Variants in BCL7B observed in about 807,000 individuals in gnomAD.
BCL7B encodes the protein B-cell CLL/lymphoma 7 protein family member B.
In BCL7B, 11 loss-of-function variants were observed where a neutral mutation model predicts 26.5. The ratio of observed to expected loss-of-function variants is 0.42; its 90% CI spans 0.26 to 0.69. The LOEUF (loss-of-function observed/expected upper bound fraction) is 0.69. BCL7B is among the 30% of genes least tolerant of loss of function. The pLI is 0.28. For missense variants in BCL7B, 215 were observed against 264.4 expected, an observed-to-expected ratio of 0.81 and a Z score of 1.30; for synonymous variants, 111 against 107.9, an observed-to-expected ratio of 1.03 and a Z score of -0.18.
intron 2 of BCL7B, among the ~76,000 whole-genome samples, chr7:73,544,207 G>A (rs574765913): frequency 6.6e-6 from 1 of 152,188 alleles, no homozygotes; most frequent in Non-Finnish European, 1.5e-5. Flanking sequence ...GATCACCTGA[G>A]GTCAGGAGTT....
chr7:73,543,751 A>T, intron 2 of BCL7B, 107 bp from the exon 3 acceptor site: 5 of 795,188 alleles, frequency 6.3e-6, no homozygotes, highest in Non-Finnish European at 8.1e-6. Flanking sequence ...AGGACTGAAC[A>T]GGAAAAACGA....
chr7:73,543,870 A>T, intron 2 of BCL7B: 1 of 483,794 alleles, frequency 2.1e-6, no homozygotes, highest in South Asian at 2.2e-5. Flanking sequence ...TGTGAATCAT[A>T]AGCAACAGGC....
rs537428729 is a variant in BCL7B, at chr7:73,548,706, G to A, written c.168+3461C>T. Among the ~76,000 whole-genome samples, 477 of 151,982 alleles carry A rather than the reference G, an allele frequency of 3.1e-3. 4 individuals carry two copies. The highest frequency in any genetic ancestry group is 0.011 in the African/African-American group (461 of 41,454). On this transcript the variant is annotated intron_variant, in intron 2 of 5. Coordinates refer to ENST00000223368, the MANE Select transcript of BCL7B (RefSeq NM_001707.4). ...AACACTTTGGCAAGCCGAGGCGGGC[G>A]GATCACCTGAGATCGGGAGTTGAAG... is the stretch of plus-strand genomic sequence containing the variant.
intron 2 of BCL7B, among the ~76,000 whole-genome samples, chr7:73,545,047 T>C (rs1791903753): frequency 6.7e-6 from 1 of 148,828 alleles, no homozygotes; most frequent in African/African-American, 2.5e-5. Flanking sequence ...AGTTAGACCC[T>C]AACTCAAAAA....
chr7:73,557,254 G>A, intron 1 of BCL7B: 5 of 1,111,186 alleles, frequency 4.5e-6, no homozygotes, highest in Non-Finnish European at 5.5e-6. Context: ...CAGGCGGCGC[G>A]CGGCAGCAGC....
intron 2 of BCL7B, among the ~76,000 whole-genome samples, chr7:73,551,869 G>T (rs1792185391): frequency 6.6e-6 from 1 of 151,912 alleles, no homozygotes; most frequent in Non-Finnish European, 1.5e-5. Flanking sequence ...GCTGAGGCAG[G>T]TGGGTCACGA....
intron 2 of BCL7B, 74 bp from the exon 3 acceptor site, chr7:73,543,718 G>C: frequency 8.3e-7 from 1 of 1,206,050 alleles, no homozygotes; most frequent in Non-Finnish European, 1.2e-6. Flanking sequence ...GGTGCTATGT[G>C]ACAGACCACA....
At chr7:73,551,131 G>A (rs374782276) in intron 2 of BCL7B, among the ~76,000 whole-genome samples, 13 of 152,176 alleles carry the variant, frequency 8.5e-5, no homozygotes, top group Admixed American at 3.3e-4. Flanking sequence ...GGGACTAATC[G>A]CATAAGAGCA....
At chr7:73,542,867 G>GA (rs1418157811) in intron 3 of BCL7B, 2 of 450,260 alleles carry the variant, frequency 4.4e-6, no homozygotes, top group African/African-American at 4.0e-5. Flanking sequence ...TTGAGGCCAG[G>GA]AGTTCACAAC....
At chr7:73,540,161 A>G in intron 3 of BCL7B, 109 bp from the exon 4 acceptor site, 2 of 1,168,304 alleles carry the variant, frequency 1.7e-6, no homozygotes, top group Non-Finnish European at 2.4e-6. Flanking sequence ...CAAGGATACA[A>G]CTGAGTATAA....
chr7:73,556,424 C>G (rs1195738433), intron 1 of BCL7B, among the ~76,000 whole-genome samples: 2 of 152,176 alleles, frequency 1.3e-5, no homozygotes, highest in Non-Finnish European at 2.9e-5. Context: ...GATCCGCCCA[C>G]CTCAGCCTCC....
At chr7:73,549,536 C>T (rs115830890) in intron 2 of BCL7B, among the ~76,000 whole-genome samples, 54 of 152,244 alleles carry the variant, frequency 3.5e-4, no homozygotes, top group African/African-American at 1.2e-3. Context: ...AGCGTGGGTA[C>T]GATGGCTCAT....
At chr7:73,545,919 C>A (rs1791937022) in intron 2 of BCL7B, among the ~76,000 whole-genome samples, 1 of 151,972 alleles carries the variant, frequency 6.6e-6, no homozygotes, top group African/African-American at 2.4e-5. Context: ...ATCACGAGGT[C>A]AGGAGATTGA....
chr7:73,552,716 G>A lies in BCL7B; in HGVS notation c.93-474C>T, dbSNP rs555037392. Among the ~76,000 whole-genome samples, 6 of 151,964 alleles carry A rather than the reference G, an allele frequency of 3.9e-5. No homozygotes were observed. In the South Asian group the frequency reaches 1.2e-3, roughly 32 times the overall value. Reference sequence around the variant, plus strand: ...GGATCCCTTGAGCCCAGGTGGCAGAGGTTGCAGTAAACTGAGATCACGCCA... The same window carrying A: ...GGATCCCTTGAGCCCAGGTGGCAGAAGTTGCAGTAAACTGAGATCACGCCA... On this transcript the variant is annotated intron_variant, in intron 1 of 5. Coordinates refer to ENST00000223368, the MANE Select transcript of BCL7B (RefSeq NM_001707.4).
At chr7:73,545,120 A>G (rs1319747165) in intron 2 of BCL7B, among the ~76,000 whole-genome samples, 3 of 152,110 alleles carry the variant, frequency 2.0e-5, no homozygotes, top group Non-Finnish European at 2.9e-5. Flanking sequence ...CCAAAAGTTT[A>G]AATCTGAGTA....
At chr7:73,551,024 T>C (rs1554584055) in intron 2 of BCL7B, among the ~76,000 whole-genome samples, 2 of 152,184 alleles carry the variant, frequency 1.3e-5, no homozygotes, top group Non-Finnish European at 2.9e-5. Flanking sequence ...TTTTAAAGAA[T>C]ATACAGGTAT....
Position 73,557,116 on chromosome 7 carries a change from A to T in BCL7B, c.92+371T>A. 3 of 995,610 alleles carry T rather than the reference A, an allele frequency of 3.0e-6. No homozygotes were observed. In the South Asian group the frequency reaches 1.4e-4, roughly 47 times the overall value. The allele number at this position is 995,610 out of a possible 1,614,324, so 61.7% of individuals were successfully genotyped here. ...CACTCCAGGGCTACTCGCTATTATC[A>T]AGAGGAAGCCTGGAAACGCAGGCGG... On this transcript the variant is annotated intron_variant, in intron 1 of 5. Transcript: ENST00000223368.
intron 5 of BCL7B, 106 bp downstream of exon 5, chr7:73,537,828 T>G (rs1583983530): frequency 1.4e-6 from 1 of 735,410 alleles, no homozygotes; most frequent in Non-Finnish European, 2.2e-6. Context: ...GCAGTGGAGG[T>G]TGTAGTGAGC....
chr7:73,548,661 T>A lies in BCL7B; in HGVS notation c.168+3506A>T, dbSNP rs180722993. ...AAAAAAAGGAGCAGGCCGGGCACAGTGGCTCACGCCTGTAATCCCAACACT... is the reference window on the plus strand; with the variant it reads ...AAAAAAAGGAGCAGGCCGGGCACAGAGGCTCACGCCTGTAATCCCAACACT... On this transcript the variant is annotated intron_variant, in intron 2 of 5. Coordinates refer to ENST00000223368, the MANE Select transcript of BCL7B (RefSeq NM_001707.4). Among the ~76,000 whole-genome samples the A allele has an allele frequency of 4.9e-3, 753 of 152,160 alleles. 3 individuals carry two copies. Among genetic ancestry groups the A allele is most frequent in the South Asian group, 0.011 (51 of 4,818 alleles).
Sources: gnomAD v4.1 joint callset for allele counts (sites outside exome capture counted in the v4.1 genomes callset) on GRCh38, gnomAD v4.1.1 for gene constraint, MANE v1.5 for transcripts, NCBI Gene and HGNC (gene_info 2026-07-23, HGNC 2026-07-21) for gene names.